ZPBP2: variants seen among roughly 807,000 people sequenced by gnomAD.
ZPBP2 encodes the protein zona pellucida binding protein 2.
ZPBP2 carries 34 observed loss-of-function variants against 37.5 expected under a neutral mutation model. The ratio of observed to expected loss-of-function variants is 0.91; its 90% CI spans 0.69 to 1.21. The LOEUF is 1.21. ZPBP2 is among the 50% of genes most tolerant of loss of function. ZPBP2 has a pLI of 0.00. For missense variants in ZPBP2, 397 were observed against 413.5 expected, an observed-to-expected ratio of 0.96 and a Z score of 0.35; for synonymous variants, 143 against 138.4, an observed-to-expected ratio of 1.03 and a Z score of -0.23.
intron 6 of ZPBP2, among the ~76,000 whole-genome samples, chr17:39,873,723 C>G (rs1477055095): frequency 6.6e-6 from 1 of 152,052 alleles, no homozygotes; most frequent in Non-Finnish European, 1.5e-5. Context: ...ACATGTCACC[C>G]TACGTTAAGC....
At position 39,868,265 on chromosome 17, in the gene ZPBP2, A is replaced by T; in HGVS notation, c.-90A>T. 6.8e-7 allele frequency: 1 copy of T among 1,479,834 alleles called. No homozygotes were observed. 91.7% of individuals were successfully genotyped at this position (1,479,834 alleles called of 1,614,324 possible). The stretch of plus-strand genomic sequence containing the variant: ...AGGCGACCCCGGCGTTCTGCTCCGC[A>T]CTGTGGAGGAGGTGGGGAGGTGTTG... On this transcript the variant is annotated 5_prime_UTR_variant, in exon 1 of 8. Transcript: ENST00000348931.
intron 2 of ZPBP2, 145 bp downstream of exon 2, chr17:39,868,759 C>A: frequency 2.2e-6 from 2 of 901,682 alleles, no homozygotes; most frequent in Non-Finnish European, 3.4e-6. Flanking sequence ...CAGTTCACGA[C>A]GGTCGCATTT....
chr17:39,871,653 T>C (rs553056674), intron 4 of ZPBP2, 28 bp downstream of exon 4: 32 of 1,498,368 alleles, frequency 2.1e-5, no homozygotes, highest in South Asian at 1.5e-4. Flanking sequence ...TTTTAACTTA[T>C]ACATTTAGTT....
In ZPBP2 at chr17:39,875,236, G is replaced by T; in HGVS notation, c.709-18G>T. On this transcript the variant is annotated intron_variant, in intron 6 of 7. Coordinates refer to ENST00000348931, the MANE Select transcript of ZPBP2 (RefSeq NM_199321.3). ...TGGTTTAGTAATTGTACCTTTCTCT[G>T]GTATTTTTCAACCTTAGGCAAGAGA... is the stretch of plus-strand genomic sequence containing the variant. The T allele has an allele frequency of 6.2e-7, 1 of 1,600,598 alleles. No homozygotes were observed. Among genetic ancestry groups the T allele is most frequent in the Non-Finnish European group, 8.5e-7 (1 of 1,174,110 alleles).
rs1025271573 is a variant in ZPBP2 at position 39,871,580 on chromosome 17, C to G, written c.361C>G (p.Gln121Glu). 2.5e-6 allele frequency: 4 copies of G among 1,594,786 alleles called. No individual in the cohort carries two copies. In the African/African-American group the frequency reaches 4.1e-5, roughly 16 times the overall value. Reference protein sequence around the residue: ...LSYKTVKAETQEEKTVKKRYD... With the variant: ...LSYKTVKAETEEEKTVKKRYD... ...TTATAAGACTGTTAAAGCAGAAACT[C>G]AAGAAGAAAAAACAGTCAAAAAGAG... Residue 121 changes from glutamine (Q) to glutamate (E), a missense_variant, in exon 4 of 8, where the codon CAA (glutamine) becomes GAA (glutamate). Coordinates refer to ENST00000348931, the MANE Select transcript of ZPBP2 (RefSeq NM_199321.3).
In ZPBP2 at chr17:39,868,419, C is replaced by T. The variant is rs2063345862; in HGVS notation, c.52+13C>T. The T allele has an allele frequency of 1.9e-6, 3 of 1,611,096 alleles. No homozygotes were observed. The highest frequency in any genetic ancestry group is 2.5e-6 in the Non-Finnish European group (3 of 1,179,956). On this transcript the variant is annotated intron_variant, in intron 1 of 7. Coordinates refer to ENST00000348931, the MANE Select transcript of ZPBP2 (RefSeq NM_199321.3). Reference sequence around the variant, plus strand: ...TGCCTCACAGGAGGTGGGGCTCCCTCCACCCGGTCCCCAGGCCTCTCCCTC... The same window carrying T: ...TGCCTCACAGGAGGTGGGGCTCCCTTCACCCGGTCCCCAGGCCTCTCCCTC...
At chr17:39,871,849 T>C (rs2063366311) in intron 4 of ZPBP2, among the ~76,000 whole-genome samples, 4 of 152,252 alleles carry the variant, frequency 2.6e-5, no homozygotes, top group Middle Eastern at 3.4e-3. Flanking sequence ...TATCTAGATA[T>C]GTAAGCGCAT....
In ZPBP2 at chr17:39,868,618, A is replaced by T; in HGVS notation, c.118+4A>T. The T allele has an allele frequency of 6.2e-7, 1 of 1,614,178 alleles. No homozygotes were observed. The highest frequency in any genetic ancestry group is 1.3e-5 in the African/African-American group (1 of 75,042). ...TATGGCAAGACAGGACAGCCAGGTAATAAGGGCCTCTGCACACGCGGGCCC... is the reference window on the plus strand; with the variant it reads ...TATGGCAAGACAGGACAGCCAGGTATTAAGGGCCTCTGCACACGCGGGCCC... On this transcript the variant is annotated splice_donor_region_variant and intron_variant, in intron 2 of 7. Coordinates refer to ENST00000348931, the MANE Select transcript of ZPBP2 (RefSeq NM_199321.3).
In ZPBP2 at chr17:39,875,402, A is replaced by G. The variant is rs754047020; in HGVS notation, c.857A>G (p.Glu286Gly). ...TGTCGACCAGGCTTTGGAAAAAATG[A>G]ACGTCTACACAGTAATTGCGCTAGC... ...DSCRPGFGKN[E>G]RLHSNCASCC... Residue 286 changes from glutamate (E) to glycine (G), a missense_variant, in exon 7 of 8, where the codon GAA becomes GGA. Transcript: ENST00000348931. The G allele has an allele frequency of 2.5e-6, 4 of 1,613,562 alleles. No individual in the cohort carries two copies. The highest frequency in any genetic ancestry group is 3.4e-6 in the Non-Finnish European group (4 of 1,179,784).
rs2063393016 is a variant in ZPBP2 at position 39,876,822 on chromosome 17, T to C, written c.*13T>C. On this transcript the variant is annotated 3_prime_UTR_variant, in exon 8 of 8. Transcript: ENST00000348931. ...ATATGAAGATTAGAGGTGAAAGCAT[T>C]GTTACTTACTTGTGGAAGTCGGGGA... The C allele has an allele frequency of 3.1e-6, 5 of 1,612,928 alleles. No individual in the cohort carries two copies. The Admixed American group carries it at 8.3e-5, about 27-fold the overall frequency.
At chr17:39,875,885 T>G (rs1044563083) in intron 7 of ZPBP2, among the ~76,000 whole-genome samples, 1 of 88,020 alleles carries the variant, frequency 1.1e-5, no homozygotes, top group African/African-American at 4.4e-5. Context: ...CTTGGCCCCT[T>G]TTTTTTTTTT....
In ZPBP2 at chr17:39,877,296, G is replaced by A. The variant is rs139651620; in HGVS notation, c.*487G>A. On this transcript the variant is annotated 3_prime_UTR_variant, in exon 8 of 8. Coordinates refer to ENST00000348931, the MANE Select transcript of ZPBP2 (RefSeq NM_199321.3). ...TGTATTTTTTAAAGTATAGGTTTAG[G>A]TTTACAGAATAATAGAGCAGATAAT... 75 of 153,102 alleles carry A rather than the reference G, an allele frequency of 4.9e-4. 1 individual carries two copies. Among genetic ancestry groups the A allele is most frequent in the African/African-American group, 1.7e-3 (69 of 41,482 alleles). 9.5% of individuals were successfully genotyped at this position (153,102 alleles called of 1,614,324 possible). A position where few individuals can be genotyped will look rare whatever the true frequency, so the allele number is the denominator to read the frequency against.
intron 4 of ZPBP2, 128 bp from the exon 5 acceptor site, chr17:39,872,142 G>A (rs772634514): frequency 3.7e-5 from 24 of 643,418 alleles, no homozygotes; most frequent in African/African-American, 1.5e-4. Context: ...CTGATAAAAC[G>A]TTATGTTTCT....
At position 39,877,397 on chromosome 17, in the gene ZPBP2, T is replaced by C. The variant is rs1240531589; in HGVS notation, c.*588T>C. 2 of 152,210 alleles carry C rather than the reference T, an allele frequency of 1.3e-5. No individual in the cohort carries two copies. The highest frequency in any genetic ancestry group is 4.8e-5 in the African/African-American group (2 of 41,444). The allele number at this position is 152,210 out of a possible 1,614,324, so 9.4% of individuals were successfully genotyped here. On this transcript the variant is annotated 3_prime_UTR_variant, in exon 8 of 8. Transcript: ENST00000348931. ...ACAATTTCTCCTATTATTAAGATGG[T>C]GCATTAGTGTGGCACATTTGTTACA...
In ZPBP2 at chr17:39,875,281, C is replaced by A. The variant is rs143510095; in HGVS notation, c.736C>A (p.Arg246=). ...AAGAGATCGAATAGAAGACTTTTTTCGGAGCCAAGCATATATTTTCTACCA... is the reference window on the plus strand; with the variant it reads ...AAGAGATCGAATAGAAGACTTTTTTAGGAGCCAAGCATATATTTTCTACCA... ...QARDRIEDFF[R]SQAYIFYHNF... The change falls in exon 7 of 8, where the codon CGG becomes AGG. Residue 246 remains arginine, a synonymous_variant. Coordinates refer to ENST00000348931, the MANE Select transcript of ZPBP2 (RefSeq NM_199321.3). 6.2e-7 allele frequency: 1 copy of A among 1,608,168 alleles called. No homozygotes were observed. Among genetic ancestry groups the A allele is most frequent in the Non-Finnish European group, 8.5e-7 (1 of 1,178,404 alleles).
intron 7 of ZPBP2, among the ~76,000 whole-genome samples, chr17:39,875,883 C>CCTTTTTTTTTTTTT (rs1555647948): frequency 3.1e-5 from 2 of 63,776 alleles, no homozygotes; most frequent in African/African-American, 5.2e-5. Flanking sequence ...TGCTTGGCCC[C>CCTTTTTTTTTTTTT]TTTTTTTTTT....
At position 39,873,137 on chromosome 17, in the gene ZPBP2, C is replaced by T; in HGVS notation, c.708+11C>T. 1 of 1,602,498 alleles carries T rather than the reference C, an allele frequency of 6.2e-7. No homozygotes were observed. The highest frequency in any genetic ancestry group is 8.5e-7 in the Non-Finnish European group (1 of 1,175,664). On this transcript the variant is annotated intron_variant, in intron 6 of 7. Transcript: ENST00000348931. Reference sequence around the variant, plus strand: ...CATAATATCCTCCAGGTGAGAATTTCATGGTAAGGAAGAAGTATTTGTCTT... The same window carrying T: ...CATAATATCCTCCAGGTGAGAATTTTATGGTAAGGAAGAAGTATTTGTCTT...
Position 39,877,773 on chromosome 17 carries a change from A to AT in ZPBP2, c.*970dup, listed in dbSNP as rs2063397430. The AT allele has an allele frequency of 6.6e-6, 1 of 152,130 alleles. No homozygotes were observed. Among genetic ancestry groups the AT allele is most frequent in the Admixed American group, 6.6e-5 (1 of 15,266 alleles). 9.4% of individuals were successfully genotyped at this position (152,130 alleles called of 1,614,324 possible). A position where few individuals can be genotyped will look rare whatever the true frequency, so the allele number is the denominator to read the frequency against. ...ATGTCTTTTTGTGACTTGATAGCTC[A>AT]TTTTTTATTGCTGAATAATGTTCAT... On this transcript the variant is annotated 3_prime_UTR_variant, in exon 8 of 8. Coordinates refer to ENST00000348931, the MANE Select transcript of ZPBP2 (RefSeq NM_199321.3).
chr17:39,872,081 A>G (rs771438011), intron 4 of ZPBP2, among the ~76,000 whole-genome samples, 189 bp from the exon 5 acceptor site: 4 of 152,160 alleles, frequency 2.6e-5, no homozygotes, highest in Admixed American at 6.5e-5. Flanking sequence ...TCAGATGAAA[A>G]TAACATTTTT....
Sources: gnomAD v4.1 joint callset for allele counts (sites outside exome capture counted in the v4.1 genomes callset) on GRCh38, gnomAD v4.1.1 for gene constraint, MANE v1.5 for transcripts, NCBI Gene and HGNC (gene_info 2026-07-23, HGNC 2026-07-21) for gene names.